The following PRKN variants were observed in gnomAD, a reference collection of about 807,000 sequenced individuals.
PRKN encodes parkin RBR E3 ubiquitin protein ligase.
A neutral mutation model predicts 59.5 loss-of-function variants in PRKN; 56 were observed. The observed-to-expected ratio is 0.94, with a 90% CI of 0.76 to 1.18. PRKN has a LOEUF of 1.18. Among genes scored for constraint, PRKN ranks in the 50% most tolerant of loss-of-function variants. PRKN has a pLI of 0.00. For synonymous variants in PRKN, 250 were observed against 222.1 expected (o/e 1.13, Z -1.12); for missense variants, 657 against 596.4 (o/e 1.10, Z -1.06).
chr6:162,693,259 T>C (rs530327401), intron 1 of PRKN, among the ~76,000 whole-genome samples: 23 of 152,322 alleles, frequency 1.5e-4, no homozygotes, highest in Middle Eastern at 3.4e-3. Flanking sequence ...CCTGCCTTTC[T>C]AACCTATCTT....
chr6:162,431,920 T>C (rs931447343), intron 2 of PRKN, among the ~76,000 whole-genome samples: 2 of 152,174 alleles, frequency 1.3e-5, no homozygotes, highest in African/African-American at 4.8e-5. Flanking sequence ...CAAAAAGTAA[T>C]ACCCCTTGAT....
At chr6:161,768,747 C>A (rs905823426) in intron 7 of PRKN, among the ~76,000 whole-genome samples, 2 of 152,120 alleles carry the variant, frequency 1.3e-5, no homozygotes, top group African/African-American at 4.8e-5. Flanking sequence ...TGATTTCAGT[C>A]CACAAGCACA....
At chr6:162,388,538 G>A (rs1030185444) in intron 2 of PRKN, among the ~76,000 whole-genome samples, 1 of 152,126 alleles carries the variant, frequency 6.6e-6, no homozygotes, top group East Asian at 1.9e-4. Flanking sequence ...TCCTAACTCA[G>A]GTCAAAAGGT....
intron 2 of PRKN, among the ~76,000 whole-genome samples, chr6:162,430,361 G>A (rs1306499048): frequency 6.6e-6 from 1 of 152,066 alleles, no homozygotes; most frequent in Non-Finnish European, 1.5e-5. Context: ...ATTAACTAAT[G>A]CACCAAAGGT....
intron 7 of PRKN, among the ~76,000 whole-genome samples, chr6:161,766,717 G>A (rs1293136439): frequency 2.0e-5 from 3 of 152,138 alleles, no homozygotes; most frequent in African/African-American, 4.8e-5. Context: ...TCCACGTACT[G>A]ATTTGATTGT....
chr6:162,195,755 T>C (rs1784465916), intron 4 of PRKN, among the ~76,000 whole-genome samples: 1 of 152,150 alleles, frequency 6.6e-6, no homozygotes, highest in Non-Finnish European at 1.5e-5. Flanking sequence ...TGATTCATTT[T>C]AAGACCAATA....
chr6:161,826,919 A>G (rs1792268921), intron 6 of PRKN, among the ~76,000 whole-genome samples: 1 of 152,128 alleles, frequency 6.6e-6, no homozygotes, highest in East Asian at 1.9e-4. Flanking sequence ...TGTAATTTTG[A>G]TTTGCATTGG....
At chr6:161,881,452 G>C (rs1169989887) in intron 6 of PRKN, among the ~76,000 whole-genome samples, 2 of 152,100 alleles carry the variant, frequency 1.3e-5, no homozygotes, top group Middle Eastern at 3.2e-3. Flanking sequence ...GGGCTGAGTG[G>C]TTTAGGGCTG....
chr6:162,108,381 T>C (rs914666008), intron 4 of PRKN, among the ~76,000 whole-genome samples: 16 of 152,188 alleles, frequency 1.1e-4, no homozygotes, highest in African/African-American at 3.9e-4. Context: ...ATATTACATC[T>C]AGATCATGTG....
intron 2 of PRKN, among the ~76,000 whole-genome samples, chr6:162,400,074 G>T (rs1463130706): frequency 2.0e-5 from 3 of 152,076 alleles, no homozygotes; most frequent in Non-Finnish European, 2.9e-5. Flanking sequence ...GGGCATGGTG[G>T]CAGGTGCCTG....
intron 7 of PRKN, among the ~76,000 whole-genome samples, chr6:161,775,632 A>G (rs1391036837): frequency 2.6e-5 from 4 of 152,188 alleles, no homozygotes; most frequent in Admixed American, 2.6e-4. Flanking sequence ...ATCTTTTAAT[A>G]TATTTACCTA....
chr6:162,131,549 A>G (rs1407174952), intron 4 of PRKN, among the ~76,000 whole-genome samples: 1 of 152,224 alleles, frequency 6.6e-6, no homozygotes, highest in Non-Finnish European at 1.5e-5. Flanking sequence ...AACAGCTGAA[A>G]TAAGATCCAG....
At chr6:161,736,379 C>A (rs149473087) in intron 7 of PRKN, among the ~76,000 whole-genome samples, 3,965 of 152,262 alleles carry the variant, frequency 0.026, 65 homozygotes, top group Non-Finnish European at 0.04. Flanking sequence ...TTCTGAGCAG[C>A]AGTAAAGGTG....
chr6:161,755,314 G>A (rs947080284), intron 7 of PRKN, among the ~76,000 whole-genome samples: 6 of 151,672 alleles, frequency 4.0e-5, no homozygotes, highest in Admixed American at 3.3e-4. Context: ...GACAGTGGGA[G>A]CAGCCTCCCT....
At chr6:162,395,323 G>T (rs891849200) in intron 2 of PRKN, among the ~76,000 whole-genome samples, 3 of 152,208 alleles carry the variant, frequency 2.0e-5, no homozygotes, top group Non-Finnish European at 4.4e-5. Flanking sequence ...GAAGCCAGCT[G>T]TCCTGCCATG....
chr6:161,743,288 C>T (rs1314426057), intron 7 of PRKN, among the ~76,000 whole-genome samples: 4 of 135,108 alleles, frequency 3.0e-5, no homozygotes, highest in African/African-American at 1.1e-4. Flanking sequence ...GGTGCAATCT[C>T]GGCTCACTGC....
chr6:162,374,059 TAC>T (rs1338892790), intron 2 of PRKN, among the ~76,000 whole-genome samples: 2 of 152,330 alleles, frequency 1.3e-5, no homozygotes, highest in South Asian at 4.1e-4. Context: ...ATAGCCTGAT[TAC>T]ACAGTTTACT....
At chr6:162,451,041 A>C (rs1790600283) in intron 1 of PRKN, among the ~76,000 whole-genome samples, 1 of 152,190 alleles carries the variant, frequency 6.6e-6, no homozygotes, top group African/African-American at 2.4e-5. Context: ...TATATATTAA[A>C]GAAAAAGATC....
intron 9 of PRKN, among the ~76,000 whole-genome samples, chr6:161,482,649 G>A (rs1791458942): frequency 1.3e-5 from 2 of 152,182 alleles, no homozygotes; most frequent in Non-Finnish European, 2.9e-5. Flanking sequence ...CTATGTTACG[G>A]CTAATTCCCT....
Sources: gnomAD v4.1 joint callset for allele counts (sites outside exome capture counted in the v4.1 genomes callset) on GRCh38, gnomAD v4.1.1 for gene constraint, MANE v1.5 for transcripts, NCBI Gene and HGNC (gene_info 2026-07-23, HGNC 2026-07-21) for gene names.